SETBP1: variants seen among roughly 807,000 people sequenced by gnomAD.
SETBP1 encodes SET-binding protein.
SETBP1 carries 9 observed loss-of-function variants against 101.0 expected under a neutral mutation model. The observed-to-expected ratio is 0.09, with a 90% CI of 0.05 to 0.16. The LOEUF (loss-of-function observed/expected upper bound fraction) is 0.16. SETBP1 is among the 10% of genes least tolerant of loss of function. The pLI is 1.00. For missense variants in SETBP1, 1,858 were observed against 2,033.8 expected (o/e 0.91, Z 1.66); for synonymous variants, 818 against 788.5 (o/e 1.04, Z -0.63).
chr18:45,029,822 G>A (rs2073251695), intron 4 of SETBP1, among the ~76,000 whole-genome samples: 1 of 151,986 alleles, frequency 6.6e-6, no homozygotes, highest in Non-Finnish European at 1.5e-5. Context: ...GTCTGTTATT[G>A]GTGTATAAGA....
chr18:44,926,488 C>G (rs1415936423), intron 3 of SETBP1, among the ~76,000 whole-genome samples: 1 of 152,194 alleles, frequency 6.6e-6, no homozygotes, highest in Non-Finnish European at 1.5e-5. Flanking sequence ...TGGCATGACA[C>G]AGTGGTCCCT....
At chr18:44,760,955 A>G (rs1260244624) in intron 2 of SETBP1, among the ~76,000 whole-genome samples, 1 of 152,224 alleles carries the variant, frequency 6.6e-6, no homozygotes, top group Non-Finnish European at 1.5e-5. Flanking sequence ...GTGACATAGT[A>G]TCTGTTGCCC....
chr18:44,895,312 G>T (rs1466290434), intron 3 of SETBP1, among the ~76,000 whole-genome samples: 4 of 124,102 alleles, frequency 3.2e-5, no homozygotes, highest in Non-Finnish European at 6.9e-5. Flanking sequence ...GGGGGAGAGA[G>T]GGAGTGAAGG....
In SETBP1 at chr18:44,836,484, CACTCCACTCCACTCTGCTCCACTCT is replaced by C. The variant is rs1410127578; in HGVS notation, c.487-32730_487-32706del. Among the ~76,000 whole-genome samples, 6 of 152,124 alleles carry C rather than the reference CACTCCACTCCACTCTGCTCCACTCT, an allele frequency of 3.9e-5. 1 individual carries two copies. Among genetic ancestry groups the C allele is most frequent in the Admixed American group, 3.3e-4 (5 of 15,270 alleles). On this transcript the variant is annotated intron_variant, in intron 2 of 5. Transcript: ENST00000649279. ...GAGCTGCAGAGTCCAGGGGCCTCTC[CACTCCACTCCACTCTGCTCCACTCT>C]ACTCCACTCCACTCTTTCCTTAGGA...
intron 5 of SETBP1, among the ~76,000 whole-genome samples, chr18:45,043,660 T>C (rs548373932): frequency 6.6e-6 from 1 of 152,356 alleles, no homozygotes; most frequent in South Asian, 2.1e-4. Context: ...TTCATAAGTC[T>C]GTTAAATTTT....
chr18:44,835,577 G>T (rs2072478477), intron 2 of SETBP1, among the ~76,000 whole-genome samples: 1 of 152,156 alleles, frequency 6.6e-6, no homozygotes, highest in Non-Finnish European at 1.5e-5. Flanking sequence ...TTTAACTATT[G>T]TCCTATATTT....
At chr18:44,694,369 G>T (rs1344913697) in intron 1 of SETBP1, among the ~76,000 whole-genome samples, 1 of 152,054 alleles carries the variant, frequency 6.6e-6, no homozygotes, top group Non-Finnish European at 1.5e-5. Flanking sequence ...ATGCCACCAC[G>T]CCCGACTAAT....
rs1411642397 is a variant in SETBP1, at chr18:44,950,235, C to T, written c.895C>T (p.Pro299Ser). 4.3e-6 allele frequency: 7 copies of T among 1,613,866 alleles called. No homozygotes were observed. The highest frequency in any genetic ancestry group is 1.3e-5 in the African/African-American group (1 of 74,940). ...VAPSPSSHSS[P>S]APPSSSAECN... ...TCCATCCCCAAGCAGCCACAGCTCA[C>T]CAGCCCCACCCAGCAGCTCTGCTGA... Residue 299 changes from proline to serine, a missense_variant, in exon 4 of 6, where the codon CCA becomes TCA. Physicochemically the swap from Pro to Ser is moderately conservative, Grantham distance 74. Transcript: ENST00000649279.
At chr18:44,904,049 G>A (rs1642076674) in intron 3 of SETBP1, among the ~76,000 whole-genome samples, 1 of 152,090 alleles carries the variant, frequency 6.6e-6, no homozygotes, top group African/African-American at 2.4e-5. Context: ...GTCTACAGCA[G>A]GCAACTCATA....
At chr18:44,994,265 G>C (rs1381321641) in intron 4 of SETBP1, among the ~76,000 whole-genome samples, 2 of 151,950 alleles carry the variant, frequency 1.3e-5, no homozygotes, top group African/African-American at 4.8e-5. Flanking sequence ...TTCTATTCCA[G>C]GAAAATTATA....
rs143025880 is a variant in SETBP1, at chr18:44,962,123, A to G, written c.4000+8783A>G. On this transcript the variant is annotated intron_variant, in intron 4 of 5. Coordinates refer to ENST00000649279, the MANE Select transcript of SETBP1 (RefSeq NM_015559.3). Reference sequence around the variant, plus strand: ...CTAAGTTAGCATTCGTAAAACAACCAGAGAATAAATGCAGACCAAGTTTAA... The same window carrying G: ...CTAAGTTAGCATTCGTAAAACAACCGGAGAATAAATGCAGACCAAGTTTAA... Among the ~76,000 whole-genome samples the G allele has an allele frequency of 3.1e-3, 476 of 152,380 alleles. 1 individual carries two copies. Among genetic ancestry groups the G allele is most frequent in the Non-Finnish European group, 4.9e-3 (336 of 68,036 alleles).
At chr18:44,902,264 A>G (rs57436000) in intron 3 of SETBP1, among the ~76,000 whole-genome samples, 2,681 of 151,926 alleles carry the variant, frequency 0.018, 76 homozygotes, top group African/African-American at 0.061. Flanking sequence ...GTCTCTTACA[A>G]TTTATAGTGT....
chr18:44,754,495 T>A (rs1287605093), intron 2 of SETBP1, among the ~76,000 whole-genome samples: 1 of 152,224 alleles, frequency 6.6e-6, no homozygotes, highest in Non-Finnish European at 1.5e-5. Context: ...GGATTTGAAT[T>A]TTTTTTAAAT....
intron 3 of SETBP1, among the ~76,000 whole-genome samples, chr18:44,898,652 C>T (rs1367862981): frequency 1.3e-5 from 2 of 152,102 alleles, no homozygotes; most frequent in Non-Finnish European, 2.9e-5. Context: ...TCGAGTTCTA[C>T]TGTACAGTCT....
intron 3 of SETBP1, chr18:44,877,223 C>A (rs2069427104): frequency 1.4e-6 from 1 of 729,120 alleles, no homozygotes; most frequent in Non-Finnish European, 1.7e-6. Context: ...AGCAATTTGA[C>A]ATTTTTGTGA....
chr18:44,914,948 T>C (rs1474988765), intron 3 of SETBP1, among the ~76,000 whole-genome samples: 2 of 152,108 alleles, frequency 1.3e-5, no homozygotes, highest in Admixed American at 1.3e-4. Context: ...ATTTTAATAC[T>C]TTCACAGATC....
chr18:44,803,786 C>G (rs770345056), intron 2 of SETBP1, among the ~76,000 whole-genome samples: 9 of 152,024 alleles, frequency 5.9e-5, no homozygotes, highest in African/African-American at 1.2e-4. Flanking sequence ...CTTTATCCAC[C>G]TCTAAACAGG....
At chr18:44,978,890 A>G (rs904118515) in intron 4 of SETBP1, among the ~76,000 whole-genome samples, 4 of 152,208 alleles carry the variant, frequency 2.6e-5, no homozygotes, top group African/African-American at 9.6e-5. Context: ...TGTCTTAAAG[A>G]TTGTGCAGAC....
intron 3 of SETBP1, among the ~76,000 whole-genome samples, chr18:44,897,027 C>T (rs1267600940): frequency 2.6e-5 from 4 of 152,192 alleles, no homozygotes; most frequent in African/African-American, 9.6e-5. Flanking sequence ...TATTGACTCA[C>T]TCCTGTTGAG....
Sources: gnomAD v4.1 joint callset for allele counts (sites outside exome capture counted in the v4.1 genomes callset) on GRCh38, gnomAD v4.1.1 for gene constraint, MANE v1.5 for transcripts, NCBI Gene and HGNC (gene_info 2026-07-23, HGNC 2026-07-21) for gene names.